GARRE1: variants seen among roughly 807,000 people sequenced by gnomAD.
GARRE1 encodes the protein granule associated Rac and RHOG effector 1, also known as granule associated Rac and RHOG effector protein 1.
Under a neutral mutation model 103.2 loss-of-function variants are expected in GARRE1, and 49 were observed. That is an observed-to-expected ratio of 0.47 (90% confidence interval 0.38 to 0.60). The LOEUF is 0.60. Among genes scored for constraint, GARRE1 ranks in the 20% least tolerant of loss-of-function variants. The probability of loss-of-function intolerance (pLI) is 0.00; values close to 1 mark genes in which losing one functional copy is unlikely to be tolerated. For synonymous variants in GARRE1, 505 were observed against 532.8 expected (o/e 0.95, Z 0.72); for missense variants, 1,199 against 1,370.5 (o/e 0.87, Z 1.98).
intron 9 of GARRE1, among the ~76,000 whole-genome samples, chr19:34,341,083 C>T (rs1331333217): frequency 1.3e-5 from 2 of 152,174 alleles, no homozygotes; most frequent in Non-Finnish European, 1.5e-5. Context: ...GCTGCATTTG[C>T]GTGGCTGTAG....
At chr19:34,326,651 C>T (rs1436793000) in intron 3 of GARRE1, among the ~76,000 whole-genome samples, 3 of 150,772 alleles carry the variant, frequency 2.0e-5, no homozygotes, top group Non-Finnish European at 4.4e-5. Context: ...GTGGTCTTTT[C>T]CTTCACTGAA....
At chr19:34,304,748 A>G (rs541636857) in intron 2 of GARRE1, among the ~76,000 whole-genome samples, 2 of 152,010 alleles carry the variant, frequency 1.3e-5, no homozygotes, top group African/African-American at 4.8e-5. Context: ...TAAAGTGTGT[A>G]TAAAATGGCT....
rs200140163 is a variant in GARRE1, at chr19:34,349,067, G to A, written c.2739G>A (p.Ser913=). The change falls in exon 12 of 14, where the codon TCG becomes TCA. Residue 913 remains serine, a synonymous_variant. Transcript: ENST00000299505. The stretch of plus-strand genomic sequence containing the variant: ...GTGCTCAGGGAGACTCTGCCAGCTC[G>A]AGTGATGAGACATCCTCAGCCAACG... ...WSGAQGDSAS[S]SDETSSANGD... The A allele has an allele frequency of 4.7e-5, 75 of 1,612,732 alleles. No individual in the cohort carries two copies. In the East Asian group the frequency reaches 5.8e-4, roughly 12 times the overall value.
At chr19:34,289,092 C>A (rs2073903073) in intron 1 of GARRE1, among the ~76,000 whole-genome samples, 1 of 151,892 alleles carries the variant, frequency 6.6e-6, no homozygotes, top group African/African-American at 2.4e-5. Context: ...CAAGATTGCA[C>A]CACTGCACTC....
chr19:34,328,425 A>G (rs757906855), intron 6 of GARRE1, among the ~76,000 whole-genome samples: 1 of 150,610 alleles, frequency 6.6e-6, no homozygotes, highest in Non-Finnish European at 1.5e-5. Flanking sequence ...GCTGTTCGGG[A>G]AGCTGAGGCT....
In GARRE1 at chr19:34,327,578, T is replaced by G. The variant is rs1237143657; in HGVS notation, c.846+17T>G. On this transcript the variant is annotated intron_variant, in intron 4 of 13. Transcript: ENST00000299505. ...GCTTTGCAAGTAAGTTTTTCAGAAC[T>G]GACATACTGATTTCCACGGGATAGA... The G allele has an allele frequency of 1.9e-6, 3 of 1,612,086 alleles. No homozygotes were observed. In the South Asian group the frequency reaches 3.3e-5, roughly 18 times the overall value.
chr19:34,289,525 G>A (rs2073905443), intron 1 of GARRE1, among the ~76,000 whole-genome samples: 2 of 151,880 alleles, frequency 1.3e-5, no homozygotes, highest in Admixed American at 1.3e-4. Context: ...AGAAGATCGA[G>A]ACCATCTGGC....
chr19:34,321,540 C>T (rs375001264), intron 3 of GARRE1, among the ~76,000 whole-genome samples: 5 of 151,334 alleles, frequency 3.3e-5, no homozygotes, highest in Admixed American at 6.6e-5. Context: ...CTGCAACCTC[C>T]GCCTGCCGGG....
At chr19:34,350,920 C>T (rs892121611) in intron 12 of GARRE1, among the ~76,000 whole-genome samples, 2 of 151,994 alleles carry the variant, frequency 1.3e-5, no homozygotes, top group South Asian at 2.1e-4. Context: ...AAAAGCCGGC[C>T]GGACTCGGTG....
intron 1 of GARRE1, among the ~76,000 whole-genome samples, chr19:34,256,160 T>A (rs1446925503): frequency 1.3e-5 from 2 of 151,864 alleles, no homozygotes; most frequent in Non-Finnish European, 2.9e-5. Flanking sequence ...TTTTTAAGAA[T>A]ACATAGTATT....
chr19:34,350,234 C>T (rs886393282), intron 12 of GARRE1, among the ~76,000 whole-genome samples: 1 of 151,810 alleles, frequency 6.6e-6, no homozygotes, highest in Non-Finnish European at 1.5e-5. Flanking sequence ...GGTGGGGAAT[C>T]GGCAGTGGGG....
intron 8 of GARRE1, among the ~76,000 whole-genome samples, chr19:34,336,136 A>T (rs2145274907): frequency 6.6e-6 from 1 of 152,060 alleles, no homozygotes; most frequent in South Asian, 2.1e-4. Context: ...GACTACAGGC[A>T]TGTGCCATCA....
At chr19:34,320,430 A>G (rs2074081490) in intron 3 of GARRE1, among the ~76,000 whole-genome samples, 1 of 152,200 alleles carries the variant, frequency 6.6e-6, no homozygotes, top group Non-Finnish European at 1.5e-5. Flanking sequence ...TCTGAACGGT[A>G]GTGCTGCAGG....
intron 1 of GARRE1, among the ~76,000 whole-genome samples, chr19:34,282,905 A>G (rs957613678): frequency 2.6e-5 from 4 of 152,224 alleles, no homozygotes; most frequent in Non-Finnish European, 5.9e-5. Context: ...GTCTTGTAAT[A>G]TAGTTTCCTC....
intron 1 of GARRE1, among the ~76,000 whole-genome samples, chr19:34,269,014 A>G (rs1017043896): frequency 6.6e-6 from 1 of 152,068 alleles, no homozygotes; most frequent in Non-Finnish European, 1.5e-5. Flanking sequence ...CATTTGACCT[A>G]TTTTTTTAAA....
intron 1 of GARRE1, 112 bp downstream of exon 1, chr19:34,254,726 G>A (rs112027969): frequency 6.8e-6 from 1 of 147,528 alleles, no homozygotes; most frequent in East Asian, 2.0e-4. Flanking sequence ...AGACGGGCCC[G>A]CGGGGCGCCG....
chr19:34,317,343 T>C (rs1399325547), intron 2 of GARRE1, among the ~76,000 whole-genome samples: 1 of 152,222 alleles, frequency 6.6e-6, no homozygotes, highest in South Asian at 2.1e-4. Context: ...TATATATTTA[T>C]TGAGAGAATG....
At chr19:34,344,325 T>G (rs2074200252) in intron 10 of GARRE1, among the ~76,000 whole-genome samples, 1 of 152,084 alleles carries the variant, frequency 6.6e-6, no homozygotes, top group African/African-American at 2.4e-5. Flanking sequence ...GCGCTGTGGC[T>G]CACGCCTGTA....
intron 2 of GARRE1, among the ~76,000 whole-genome samples, chr19:34,304,033 C>G (rs2073994376): frequency 6.6e-6 from 1 of 151,972 alleles, no homozygotes; most frequent in Admixed American, 6.6e-5. Context: ...GCTGCACCTG[C>G]TGGTATAAGT....
Sources: gnomAD v4.1 joint callset for allele counts (sites outside exome capture counted in the v4.1 genomes callset) on GRCh38, gnomAD v4.1.1 for gene constraint, MANE v1.5 for transcripts, NCBI Gene and HGNC (gene_info 2026-07-23, HGNC 2026-07-21) for gene names.